Variants in TPD52L1 observed in about 807,000 individuals in gnomAD.
The protein encoded by TPD52L1 is tumor protein D53.
In TPD52L1, 18 loss-of-function variants were observed where a neutral mutation model predicts 28.7. The ratio of observed to expected loss-of-function variants is 0.63; its 90% CI spans 0.43 to 0.93. TPD52L1 has a LOEUF of 0.93. TPD52L1 is among the 40% of genes least tolerant of loss of function. The pLI, the probability that TPD52L1 is intolerant of heterozygous loss-of-function variation, is 0.00. For synonymous variants in TPD52L1, 75 were observed against 88.8 expected (o/e 0.84, Z 0.88); for missense variants, 203 against 254.8 (o/e 0.80, Z 1.39).
intron 1 of TPD52L1, among the ~76,000 whole-genome samples, chr6:125,164,014 G>A (rs1457723909): frequency 2.0e-5 from 3 of 151,926 alleles, no homozygotes; most frequent in Admixed American, 2.0e-4. Context: ...GAAACTGAAT[G>A]ACAGACTAGT....
chr6:125,164,479 G>T (rs1281659721), intron 1 of TPD52L1, among the ~76,000 whole-genome samples: 2 of 152,008 alleles, frequency 1.3e-5, no homozygotes, highest in Non-Finnish European at 2.9e-5. Flanking sequence ...TATTCCACTT[G>T]GTGTTCATCC....
intron 4 of TPD52L1, among the ~76,000 whole-genome samples, chr6:125,249,263 T>C (rs1000277374): frequency 6.6e-6 from 1 of 151,960 alleles, no homozygotes; most frequent in African/African-American, 2.4e-5. Flanking sequence ...AGAAATCAGT[T>C]TCATTTTTCC....
chr6:125,186,548 A>G (rs1385261891), intron 1 of TPD52L1, among the ~76,000 whole-genome samples: 1 of 152,212 alleles, frequency 6.6e-6, no homozygotes, highest in African/African-American at 2.4e-5. Context: ...AAGTCCCAAC[A>G]AAGATATTTT....
At chr6:125,190,198 T>C (rs1178607727) in intron 1 of TPD52L1, among the ~76,000 whole-genome samples, 2 of 152,214 alleles carry the variant, frequency 1.3e-5, no homozygotes. Flanking sequence ...GCTGTGACTT[T>C]GTGAATGGCA....
chr6:125,226,038 T>C (rs1795586984), intron 2 of TPD52L1, among the ~76,000 whole-genome samples: 2 of 152,352 alleles, frequency 1.3e-5, no homozygotes, highest in South Asian at 4.1e-4. Context: ...GGCAGGACTC[T>C]TGGTTCTGTA....
intron 1 of TPD52L1, among the ~76,000 whole-genome samples, chr6:125,158,060 G>C (rs761557146): frequency 5.9e-5 from 9 of 151,918 alleles, no homozygotes; most frequent in African/African-American, 2.2e-4. Context: ...TGTTCTGTTC[G>C]CATCAAACCT....
intron 1 of TPD52L1, among the ~76,000 whole-genome samples, chr6:125,162,876 A>T (rs935555926): frequency 7.2e-5 from 11 of 152,220 alleles, no homozygotes; most frequent in African/African-American, 2.7e-4. Flanking sequence ...ATTTTATCAA[A>T]ACCTTATAAT....
intron 6 of TPD52L1, among the ~76,000 whole-genome samples, chr6:125,258,097 T>A (rs1583029632): frequency 6.6e-6 from 1 of 152,228 alleles, no homozygotes; most frequent in African/African-American, 2.4e-5. Flanking sequence ...TGTGAGGTTG[T>A]AAGTTATTCC....
At chr6:125,164,054 G>A (rs1469833276) in intron 1 of TPD52L1, among the ~76,000 whole-genome samples, 1 of 152,136 alleles carries the variant, frequency 6.6e-6, no homozygotes, top group Non-Finnish European at 1.5e-5. Flanking sequence ...CATACAACTT[G>A]GAAGTGTTGG....
chr6:125,205,336 T>C (rs992406397), intron 1 of TPD52L1, among the ~76,000 whole-genome samples: 40 of 152,338 alleles, frequency 2.6e-4, no homozygotes, highest in African/African-American at 7.9e-4. Context: ...GGACATTTTC[T>C]GTAGTTAGCC....
At chr6:125,207,542 C>T (rs1009909705) in intron 1 of TPD52L1, among the ~76,000 whole-genome samples, 1 of 152,216 alleles carries the variant, frequency 6.6e-6, no homozygotes, top group African/African-American at 2.4e-5. Flanking sequence ...CGTTGGAAGA[C>T]AGAGACAGTG....
intron 1 of TPD52L1, among the ~76,000 whole-genome samples, chr6:125,189,529 C>G (rs945501285): frequency 6.6e-6 from 1 of 152,184 alleles, no homozygotes; most frequent in African/African-American, 2.4e-5. Context: ...GTATAAGACA[C>G]ATTTTTAGAT....
chr6:125,159,795 C>G (rs1403464963), intron 1 of TPD52L1, among the ~76,000 whole-genome samples: 1 of 152,034 alleles, frequency 6.6e-6, no homozygotes, highest in Non-Finnish European at 1.5e-5. Flanking sequence ...CAATGTTAAT[C>G]TCTTTGTACA....
chr6:125,234,963 G>A (rs956600824), intron 3 of TPD52L1, among the ~76,000 whole-genome samples: 5 of 151,862 alleles, frequency 3.3e-5, no homozygotes, highest in Non-Finnish European at 7.4e-5. Flanking sequence ...ATATGGTGGC[G>A]TGCACCTGTA....
In TPD52L1 at chr6:125,215,553, C is replaced by A. The variant is rs535165094; in HGVS notation, c.20-4525C>A. ...ACTAACTAGCAACCTGGTCTCTGGG[C>A]AGATTTCTTGAATGGGTGGTTTCTG... On this transcript the variant is annotated intron_variant, in intron 1 of 6. Transcript: ENST00000534000. Among the ~76,000 whole-genome samples, 4 of 152,228 alleles carry A rather than the reference C, an allele frequency of 2.6e-5. No homozygotes were observed. In the East Asian group the frequency reaches 7.7e-4, roughly 29 times the overall value.
At chr6:125,259,987 C>T (rs1797817848) in intron 6 of TPD52L1, 1 of 152,278 alleles carries the variant, frequency 6.6e-6, no homozygotes, top group East Asian at 1.9e-4. Context: ...GATTCCATAC[C>T]TTCTTTGCCA....
chr6:125,261,014 GAAAGAAAAGAAAAGAAAGAAAGAAAGAA>G lies in TPD52L1; in HGVS notation c.487-1818_487-1791del, dbSNP rs1562411832. 421 of 42,974 alleles carry G rather than the reference GAAAGAAAAGAAAAGAAAGAAAGAAAGAA, an allele frequency of 9.8e-3. 17 individuals are homozygous for G. The highest frequency in any genetic ancestry group is 0.065 in the African/African-American group (403 of 6,170). 2.7% of individuals were successfully genotyped at this position (42,974 alleles called of 1,614,324 possible). A position where few individuals can be genotyped will look rare whatever the true frequency, so the allele number is the denominator to read the frequency against. On this transcript the variant is annotated intron_variant, in intron 6 of 6. Coordinates refer to ENST00000534000, the MANE Select transcript of TPD52L1 (RefSeq NM_003287.4). ...AGAAAGAAAGAAAGAAAGAAAGAAA[GAAAGAAAAGAAAAGAAAGAAAGAAAGAA>G]AGAAAGAAAAGGGGAAGGGGAAGGG...
intron 5 of TPD52L1, 29 bp downstream of exon 5, chr6:125,253,784 A>G (rs759562257): frequency 1.9e-6 from 3 of 1,568,354 alleles, no homozygotes; most frequent in South Asian, 2.2e-5. Context: ...TTTATGTAAT[A>G]TTAATATGAA....
intron 3 of TPD52L1, among the ~76,000 whole-genome samples, chr6:125,242,755 C>A (rs1796688121): frequency 6.6e-6 from 1 of 151,992 alleles, no homozygotes; most frequent in East Asian, 1.9e-4. Context: ...TGCCATCATG[C>A]GTCTTTTAAG....
Sources: allele counts gnomAD v4.1 joint callset (sites outside exome capture counted in the v4.1 genomes callset), GRCh38; gene constraint gnomAD v4.1.1; transcripts MANE v1.5; gene names NCBI Gene and HGNC (gene_info 2026-07-23, HGNC 2026-07-21).